LZTFL1: variants seen among roughly 807,000 people sequenced by gnomAD.
The protein encoded by LZTFL1 is leucine zipper transcription factor-like protein 1.
LZTFL1 carries 25 observed loss-of-function variants against 45.9 expected under a neutral mutation model. That is an observed-to-expected ratio of 0.54 (90% CI 0.40 to 0.76). The LOEUF is 0.76. LZTFL1 is among the 30% of genes least tolerant of loss of function. The pLI is 0.00. For missense variants in LZTFL1, 277 were observed against 331.1 expected (o/e 0.84, Z 1.27); for synonymous variants, 93 against 117.4 (o/e 0.79, Z 1.35).
Position 45,898,853 on chromosome 3 carries a change from T to C in LZTFL1, c.-215+14267A>G, listed in dbSNP as rs550245446. The stretch of plus-strand genomic sequence containing the variant: ...GAAGGATTTCTCAGAGTCTTTACTG[T>C]GCTAATGTGCAATTAAAATAAAACA... On this transcript the variant is annotated intron_variant, in intron 2 of 4. Transcript: ENST00000472635. Among the ~76,000 whole-genome samples, 8 of 152,346 alleles carry C rather than the reference T, an allele frequency of 5.3e-5. No homozygotes were observed. The South Asian group carries it at 1.4e-3, about 28-fold the overall frequency.
chr3:45,865,804 AAGAG>A (rs1465675294), intron 2 of LZTFL1, among the ~76,000 whole-genome samples: 1 of 152,244 alleles, frequency 6.6e-6, no homozygotes, highest in African/African-American at 2.4e-5. Flanking sequence ...GTGTTTACCC[AAGAG>A]AGAAAGAAAT....
At chr3:45,859,756 C>A (rs937162626) in intron 2 of LZTFL1, among the ~76,000 whole-genome samples, 1 of 151,572 alleles carries the variant, frequency 6.6e-6, no homozygotes, top group African/African-American at 2.4e-5. Context: ...CATGCCTCAG[C>A]CTCCCAAGTA....
intron 2 of LZTFL1, among the ~76,000 whole-genome samples, chr3:45,863,871 T>C (rs1701535625): frequency 6.6e-6 from 1 of 152,204 alleles, no homozygotes; most frequent in Non-Finnish European, 1.5e-5. Context: ...ACAAAGAAGC[T>C]GGGAAGGACA....
In LZTFL1 at chr3:45,900,689, T is replaced by C. The variant is rs113899385; in HGVS notation, c.-215+12431A>G. Reference sequence around the variant, plus strand: ...AGCAGATGTCCTCAGAATGCCTATGTGTCTTTGGCCTTATCATAGGTGTTT... The same window carrying C: ...AGCAGATGTCCTCAGAATGCCTATGCGTCTTTGGCCTTATCATAGGTGTTT... On this transcript the variant is annotated intron_variant, in intron 2 of 4. Coordinates refer to the LZTFL1 transcript ENST00000472635. The surrounding 1 kb of genome is among the most constrained non-coding windows in gnomAD (Gnocchi z 4.7). 1.1e-6 allele frequency: 1 copy of C among 909,428 alleles called. No individual in the cohort carries two copies. The highest frequency in any genetic ancestry group is 1.7e-6 in the Non-Finnish European group (1 of 594,434). The allele number at this position is 909,428 out of a possible 1,614,324, so 56.3% of individuals were successfully genotyped here.
chr3:45,854,331 C>G (rs746009071), intron 4 of LZTFL1: 4 of 152,790 alleles, frequency 2.6e-5, no homozygotes, highest in Non-Finnish European at 5.8e-5. Flanking sequence ...ATTGGGAGGC[C>G]GAGGCAGGCA....
chr3:45,840,764 A>G (rs1397024706), intron 1 of LZTFL1, among the ~76,000 whole-genome samples: 1 of 152,254 alleles, frequency 6.6e-6, no homozygotes, highest in Non-Finnish European at 1.5e-5. Context: ...GGTACCAGAA[A>G]GGGTTCCCTG....
chr3:45,879,975 CA>C (rs772338794), intron 2 of LZTFL1, among the ~76,000 whole-genome samples: 56 of 152,266 alleles, frequency 3.7e-4, no homozygotes, highest in Non-Finnish European at 7.9e-4. Flanking sequence ...CTCCTTCCAT[CA>C]GGGGTGGCAG....
At chr3:45,834,574 G>A (rs905431592) in intron 3 of LZTFL1, 3 of 260,528 alleles carry the variant, frequency 1.2e-5, no homozygotes, top group Non-Finnish European at 2.2e-5. Context: ...ACAAATATGA[G>A]GAAAATTTAT....
chr3:45,856,919 G>A (rs760629237), intron 3 of LZTFL1, among the ~76,000 whole-genome samples: 1 of 152,218 alleles, frequency 6.6e-6, no homozygotes, highest in African/African-American at 2.4e-5. Flanking sequence ...TTACACTTTG[G>A]TTGGAGTGGA....
rs915372693 is a variant in LZTFL1, at chr3:45,914,406, C to A, written c.-273+1015G>T. 1.3e-5 allele frequency among the ~76,000 whole-genome samples: 2 copies of A among 152,052 alleles called. 1 individual carries two copies. The highest frequency in any genetic ancestry group is 4.1e-4 in the South Asian group (2 of 4,820). On this transcript the variant is annotated intron_variant, in intron 1 of 4. Transcript: ENST00000472635. ...TAAGGGATTCTGCCACCTCAGCCTC[C>A]CCAGTGGCTGGGACTAGAGGCGCCT...
chr3:45,865,350 G>A (rs1225483005), intron 2 of LZTFL1, among the ~76,000 whole-genome samples: 1 of 152,252 alleles, frequency 6.6e-6, no homozygotes, highest in Non-Finnish European at 1.5e-5. Context: ...AGGTTTACAT[G>A]CACTGATGAG....
intron 4 of LZTFL1, among the ~76,000 whole-genome samples, chr3:45,850,521 C>T (rs115449553): frequency 6.6e-6 from 1 of 152,320 alleles, no homozygotes; most frequent in Non-Finnish European, 1.5e-5. Flanking sequence ...TTCTCGGATG[C>T]CCTGATTCCT....
chr3:45,896,057 A>C (rs1702346552), intron 2 of LZTFL1, among the ~76,000 whole-genome samples: 1 of 152,238 alleles, frequency 6.6e-6, no homozygotes, highest in Non-Finnish European at 1.5e-5. Context: ...TTACATATGT[A>C]TAGTTACCTA....
intron 4 of LZTFL1, among the ~76,000 whole-genome samples, chr3:45,849,205 A>G (rs935011903): frequency 4.6e-5 from 7 of 152,184 alleles, no homozygotes; most frequent in African/African-American, 1.7e-4. Flanking sequence ...ACTTAGCTCA[A>G]TTTAGGGTTT....
At chr3:45,897,993 A>AAC (rs1702418533) in intron 2 of LZTFL1, among the ~76,000 whole-genome samples, 1 of 146,270 alleles carries the variant, frequency 6.8e-6, no homozygotes, top group Non-Finnish European at 1.5e-5. Context: ...AAAAAAAAAA[A>AAC]CACACAAAAC....
Position 45,838,007 on chromosome 3 carries a change from A to G in LZTFL1, c.48T>C (p.Asn16=), listed in dbSNP as rs1341263236. 1.1e-5 allele frequency: 18 copies of G among 1,612,394 alleles called. No individual in the cohort carries two copies. Among genetic ancestry groups the G allele is most frequent in the Non-Finnish European group, 1.4e-5 (16 of 1,179,608 alleles). The part of the protein sequence containing the change: ...LNEHHQNEVI[N]YMRFARSKRG... ...TCTTTGAACGAGCAAAACGCATATAATTAATAACTTCATTTTGATGGTGCT... is the reference window on the plus strand; with the variant it reads ...TCTTTGAACGAGCAAAACGCATATAGTTAATAACTTCATTTTGATGGTGCT... The change falls in exon 2 of 10, where the codon AAT becomes AAC. Residue 16 remains asparagine (N), a synonymous_variant. Transcript: ENST00000296135.
chr3:45,831,966 T>G (rs1347330072), intron 5 of LZTFL1, among the ~76,000 whole-genome samples: 8 of 152,134 alleles, frequency 5.3e-5, no homozygotes, highest in Non-Finnish European at 1.2e-4. Flanking sequence ...CCGGGCACGG[T>G]GGCTCACACC....
chr3:45,910,337 T>C (rs904808310), intron 2 of LZTFL1, among the ~76,000 whole-genome samples: 6 of 152,038 alleles, frequency 3.9e-5, no homozygotes, highest in African/African-American at 1.5e-4. Flanking sequence ...TGGTGAAGAT[T>C]AGAATTGAAA....
chr3:45,876,888 G>T (rs1191052264), intron 2 of LZTFL1, among the ~76,000 whole-genome samples: 1 of 152,168 alleles, frequency 6.6e-6, no homozygotes, highest in Admixed American at 6.5e-5. Context: ...ACCTGGCTGG[G>T]TTAGTCACAG....
Sources: allele counts gnomAD v4.1 joint callset (sites outside exome capture counted in the v4.1 genomes callset), GRCh38; gene constraint gnomAD v4.1.1; non-coding constraint Gnocchi (gnomAD v3.1); transcripts MANE v1.5; gene names NCBI Gene and HGNC (gene_info 2026-07-23, HGNC 2026-07-21).